Variants in MS4A14 observed in about 807,000 individuals in gnomAD.
MS4A14 encodes membrane-spanning 4-domains subfamily A member 14.
Under a neutral mutation model 16.7 loss-of-function variants are expected in MS4A14, and 18 were observed. That is an observed-to-expected ratio of 1.08 (90% CI 0.75 to 1.60). The LOEUF (loss-of-function observed/expected upper bound fraction) is 1.60, where lower values mean the gene tolerates loss of function less well. Ranked by LOEUF, MS4A14 falls within the 40% of genes most tolerant of loss-of-function variation. The probability of loss-of-function intolerance (pLI) is 0.00; values close to 1 mark genes in which losing one functional copy is unlikely to be tolerated. For missense variants in MS4A14, 812 were observed against 775.3 expected (o/e 1.05, Z -0.56); for synonymous variants, 305 against 289.4 (o/e 1.05, Z -0.55).
intron 4 of MS4A14, among the ~76,000 whole-genome samples, chr11:60,405,289 G>C (rs2085771128): frequency 6.6e-6 from 1 of 152,090 alleles, no homozygotes; most frequent in South Asian, 2.1e-4. Flanking sequence ...ATGTTGGTCA[G>C]GCTGGTCGCA....
intron 2 of MS4A14, among the ~76,000 whole-genome samples, chr11:60,398,746 CCA>C (rs1273618381): frequency 3.3e-5 from 5 of 152,160 alleles, no homozygotes; most frequent in Admixed American, 6.5e-5. Context: ...TATTAAAAAT[CCA>C]CAGTCTCTTT....
rs755162536 is a variant in MS4A14, at chr11:60,396,706, G to C, written c.128G>C (p.Arg43Thr). Reference sequence around the variant, plus strand: ...CTGGATTTTCTGAAGGGAGAGCCAAGAGTCTTGGGGGTAAGTCCTCTCCAG... The same window carrying C: ...CTGGATTTTCTGAAGGGAGAGCCAACAGTCTTGGGGGTAAGTCCTCTCCAG... ...SLLDFLKGEPRVLGATQILLA... is the reference protein window; with the variant it reads ...SLLDFLKGEPTVLGATQILLA... The change falls in exon 1 of 5, where the codon AGA becomes ACA. Residue 43 changes from arginine to threonine, a missense_variant. Physicochemically the swap from Arg to Thr is moderately conservative, Grantham distance 71. Coordinates refer to ENST00000300187, the MANE Select transcript of MS4A14 (RefSeq NM_032597.5). 6.2e-7 allele frequency: 1 copy of C among 1,613,778 alleles called. No individual in the cohort carries two copies. Among genetic ancestry groups the C allele is most frequent in the Non-Finnish European group, 8.5e-7 (1 of 1,179,844 alleles).
chr11:60,406,278 C>G (rs575351585), intron 4 of MS4A14, among the ~76,000 whole-genome samples: 4 of 152,128 alleles, frequency 2.6e-5, no homozygotes, highest in Non-Finnish European at 5.9e-5. Context: ...TCAGACTTAA[C>G]AGGAACCCAA....
At chr11:60,414,090 G>A (rs900023827) in intron 4 of MS4A14, among the ~76,000 whole-genome samples, 2 of 152,028 alleles carry the variant, frequency 1.3e-5, no homozygotes, top group Non-Finnish European at 2.9e-5. Context: ...TCTAGCATCT[G>A]GTAATCACTG....
intron 2 of MS4A14, among the ~76,000 whole-genome samples, chr11:60,399,833 G>C (rs1263515198): frequency 6.6e-6 from 1 of 152,074 alleles, no homozygotes; most frequent in Non-Finnish European, 1.5e-5. Flanking sequence ...TGGACTCTAA[G>C]ACCCAGATGT....
intron 4 of MS4A14, among the ~76,000 whole-genome samples, chr11:60,407,873 T>C (rs1222131786): frequency 6.6e-6 from 1 of 152,168 alleles, no homozygotes; most frequent in Non-Finnish European, 1.5e-5. Context: ...TAATAGCTTC[T>C]TTGAAAAAAA....
intron 2 of MS4A14, among the ~76,000 whole-genome samples, chr11:60,399,301 C>T (rs571415274): frequency 4.6e-4 from 70 of 152,158 alleles, no homozygotes; most frequent in Non-Finnish European, 8.7e-4. Flanking sequence ...GTGCTTTCTG[C>T]GTAGCTGCTC....
At chr11:60,401,959 TG>T (rs1361126387) in intron 3 of MS4A14, among the ~76,000 whole-genome samples, 1 of 152,246 alleles carries the variant, frequency 6.6e-6, no homozygotes, top group Non-Finnish European at 1.5e-5. Context: ...CAGAAAGGAC[TG>T]GCTGTGTAAA....
Position 60,415,965 on chromosome 11 carries a change from C to A in MS4A14, c.997C>A (p.Gln333Lys). ...QALPVEGLSE[Q>K]TMPSKSTSSH... ...TCTACCAGTAGAAGGCCTGTCAGAA[C>A]AAACCATGCCATCTAAGTCTACATC... The change falls in exon 5 of 5, where the codon CAA (glutamine) becomes AAA (lysine). Residue 333 changes from glutamine (Q) to lysine (K), a missense_variant. By Grantham distance (53) the Gln-to-Lys change is moderately conservative (BLOSUM62 1). Coordinates refer to ENST00000300187, the MANE Select transcript of MS4A14 (RefSeq NM_032597.5). The A allele has an allele frequency of 6.2e-7, 1 of 1,613,912 alleles. No homozygotes were observed. The highest frequency in any genetic ancestry group is 8.5e-7 in the Non-Finnish European group (1 of 1,179,918).
chr11:60,410,258 T>C (rs1397658098), intron 4 of MS4A14, among the ~76,000 whole-genome samples: 1 of 152,222 alleles, frequency 6.6e-6, no homozygotes, highest in Non-Finnish European at 1.5e-5. Context: ...ATACATCTTC[T>C]TTGGAGAAAT....
At chr11:60,401,376 A>C (rs540598956) in intron 3 of MS4A14, among the ~76,000 whole-genome samples, 1 of 152,332 alleles carries the variant, frequency 6.6e-6, no homozygotes, top group South Asian at 2.1e-4. Flanking sequence ...ATACATGCAG[A>C]CAATGCAGAT....
intron 4 of MS4A14, among the ~76,000 whole-genome samples, chr11:60,407,517 G>A (rs2085806304): frequency 6.6e-6 from 1 of 152,154 alleles, no homozygotes; most frequent in Non-Finnish European, 1.5e-5. Flanking sequence ...GTTTGTCAAA[G>A]TGGCTGTATT....
chr11:60,400,663 G>T (rs1201835952), intron 3 of MS4A14, among the ~76,000 whole-genome samples: 1 of 152,252 alleles, frequency 6.6e-6, no homozygotes, highest in East Asian at 1.9e-4. Flanking sequence ...TAAACTAAAA[G>T]AGTTGTTTAT....
rs140195795 is a variant in MS4A14, at chr11:60,415,574, T to C, written c.606T>C (p.Phe202=). The stretch of plus-strand genomic sequence containing the variant: ...CAACAAATGCACAATCTGTTATCTT[T>C]GGAGGCTATGCTTTCTTCAAGTTAA... The part of the protein sequence containing the change: ...DSTTNAQSVI[F]GGYAFFKLTL... Residue 202 remains phenylalanine, a synonymous_variant, in exon 5 of 5, where the codon TTT becomes TTC. Transcript: ENST00000300187. The C allele has an allele frequency of 3.1e-4, 499 of 1,613,818 alleles. 2 individuals are homozygous for C. The African/African-American group carries it at 4.6e-3, about 15-fold the overall frequency.
At chr11:60,402,890 T>A (rs2085735237) in intron 3 of MS4A14, 22 bp from the exon 4 acceptor site, 1 of 1,599,424 alleles carries the variant, frequency 6.3e-7, no homozygotes, top group Non-Finnish European at 8.5e-7. Flanking sequence ...ATTTATTTTA[T>A]CATTTTTAAA....
intron 4 of MS4A14, among the ~76,000 whole-genome samples, chr11:60,410,066 C>A (rs77442672): frequency 3.9e-5 from 6 of 152,194 alleles, no homozygotes; most frequent in East Asian, 3.9e-4. Context: ...GCTATGCTGT[C>A]AGGGCTGGTC....
At chr11:60,412,333 T>C (rs1326112654) in intron 4 of MS4A14, among the ~76,000 whole-genome samples, 1 of 151,656 alleles carries the variant, frequency 6.6e-6, no homozygotes, top group Non-Finnish European at 1.5e-5. Flanking sequence ...TAAATTTTGG[T>C]AGAATTCACT....
intron 4 of MS4A14, among the ~76,000 whole-genome samples, chr11:60,404,391 G>A (rs1426247696): frequency 6.6e-6 from 1 of 152,180 alleles, no homozygotes; most frequent in Non-Finnish European, 1.5e-5. Context: ...CCAATCTATT[G>A]TCTATACTGT....
rs551578468 is a variant in MS4A14, at chr11:60,407,868, G to T, written c.468+4807G>T. Among the ~76,000 whole-genome samples, 197 of 151,408 alleles carry T rather than the reference G, an allele frequency of 1.3e-3. 1 individual carries two copies. Among genetic ancestry groups the T allele is most frequent in the African/African-American group, 4.7e-3 (194 of 41,278 alleles). On this transcript the variant is annotated intron_variant, in intron 4 of 4. Transcript: ENST00000300187. ...GACTTGCCTTTTCATTTTCTTAATA[G>T]CTTCTTTGAAAAAAACAAATTTGAT... is the stretch of plus-strand genomic sequence containing the variant.
Sources: allele counts gnomAD v4.1 joint callset (sites outside exome capture counted in the v4.1 genomes callset), GRCh38; gene constraint gnomAD v4.1.1; transcripts MANE v1.5; gene names NCBI Gene and HGNC (gene_info 2026-07-23, HGNC 2026-07-21).